IMPG1: variants seen among roughly 807,000 people sequenced by gnomAD.
IMPG1 encodes the protein interphotoreceptor matrix proteoglycan 1, also known as interphotoreceptor matrix proteoglycan of 150 kDa.
IMPG1 carries 85 observed loss-of-function variants against 92.0 expected under a neutral mutation model. The ratio of observed to expected loss-of-function variants is 0.92; its 90% confidence interval spans 0.78 to 1.11. IMPG1 has a LOEUF of 1.11. IMPG1 is among the 50% of genes least tolerant of loss of function. IMPG1 has a pLI of 0.00. For missense variants in IMPG1, 1,022 were observed against 956.0 expected, an observed-to-expected ratio of 1.07 and a Z score of -0.91; for synonymous variants, 367 against 334.1, an observed-to-expected ratio of 1.10 and a Z score of -1.08.
intron 12 of IMPG1, among the ~76,000 whole-genome samples, chr6:75,977,909 A>G (rs1782566015): frequency 6.6e-6 from 1 of 151,986 alleles, no homozygotes; most frequent in Non-Finnish European, 1.5e-5. Flanking sequence ...AAGTGCTTCC[A>G]TATATTTTAT....
chr6:76,052,466 C>A (rs907454655), intron 1 of IMPG1, among the ~76,000 whole-genome samples: 3 of 152,160 alleles, frequency 2.0e-5, no homozygotes, highest in Non-Finnish European at 4.4e-5. Context: ...CGTACATTAA[C>A]ATTTAGCTGC....
At chr6:75,988,550 A>G (rs989619456) in intron 12 of IMPG1, among the ~76,000 whole-genome samples, 1 of 152,180 alleles carries the variant, frequency 6.6e-6, no homozygotes, top group African/African-American at 2.4e-5. Context: ...TCTTATTTCT[A>G]TGGGATACCA....
At chr6:76,024,474 A>G (rs910021968) in intron 5 of IMPG1, among the ~76,000 whole-genome samples, 1 of 152,150 alleles carries the variant, frequency 6.6e-6, no homozygotes, top group Non-Finnish European at 1.5e-5. Context: ...CACAGGAGAA[A>G]TGATTTTCCT....
intron 14 of IMPG1, among the ~76,000 whole-genome samples, chr6:75,939,357 C>G (rs542200877): frequency 1.3e-5 from 2 of 152,116 alleles, no homozygotes; most frequent in East Asian, 1.9e-4. Flanking sequence ...TGCTCCCCCC[C>G]ACCCCACAAC....
intron 14 of IMPG1, among the ~76,000 whole-genome samples, chr6:75,935,879 T>A (rs1781736367): frequency 1.3e-5 from 2 of 152,230 alleles, no homozygotes; most frequent in Non-Finnish European, 2.9e-5. Flanking sequence ...AATGAGGCCC[T>A]GGTAGTCTGA....
chr6:75,923,767 CT>C (rs952644160), intron 15 of IMPG1, 61 bp from the exon 16 acceptor site: 1 of 867,114 alleles, frequency 1.2e-6, no homozygotes, highest in Middle Eastern at 2.2e-4. Context: ...TTAATAGTAA[CT>C]ACATCTTTCT....
intron 12 of IMPG1, among the ~76,000 whole-genome samples, chr6:75,956,260 G>A (rs1295280197): frequency 6.6e-6 from 1 of 152,136 alleles, no homozygotes; most frequent in Non-Finnish European, 1.5e-5. Context: ...ATTAATTACT[G>A]CCTCAATTTC....
intron 1 of IMPG1, among the ~76,000 whole-genome samples, chr6:76,050,834 C>T (rs1784028676): frequency 6.6e-6 from 1 of 152,180 alleles, no homozygotes; most frequent in Non-Finnish European, 1.5e-5. Flanking sequence ...CAGAGGCTTA[C>T]TGTACACATA....
At chr6:75,991,870 G>A (rs1031527607) in intron 12 of IMPG1, among the ~76,000 whole-genome samples, 4 of 152,134 alleles carry the variant, frequency 2.6e-5, no homozygotes, top group African/African-American at 9.7e-5. Flanking sequence ...CTGACATAAC[G>A]TATAAGGCAC....
Position 76,067,702 on chromosome 6 carries a change from C to T in IMPG1, c.67+4720G>A, listed in dbSNP as rs554875176. Among the ~76,000 whole-genome samples the T allele has an allele frequency of 1.6e-4, 24 of 152,166 alleles. No homozygotes were observed. In the South Asian group the frequency reaches 5.0e-3, roughly 32 times the overall value. On this transcript the variant is annotated intron_variant, in intron 1 of 16. Coordinates refer to ENST00000369950, the MANE Select transcript of IMPG1 (RefSeq NM_001563.4). The stretch of plus-strand genomic sequence containing the variant: ...AGCTCATTCTATGAAGCCAGTGTCA[C>T]CCTGATACCAAAGCCAGGCAAGGAC...
chr6:75,936,791 G>A (rs1468831935), intron 14 of IMPG1, among the ~76,000 whole-genome samples: 1 of 152,222 alleles, frequency 6.6e-6, no homozygotes, highest in Non-Finnish European at 1.5e-5. Flanking sequence ...CAGGATCAGC[G>A]GGTGGAGGGA....
At chr6:75,923,886 T>C (rs1237544554) in intron 15 of IMPG1, among the ~76,000 whole-genome samples, 180 bp from the exon 16 acceptor site, 1 of 152,178 alleles carries the variant, frequency 6.6e-6, no homozygotes, top group Non-Finnish European at 1.5e-5. Context: ...CCCTGACTTT[T>C]GCCTTTTAGT....
At chr6:76,003,750 A>G (rs553003476) in intron 11 of IMPG1, 124 bp downstream of exon 11, 2 of 686,000 alleles carry the variant, frequency 2.9e-6, no homozygotes, top group African/African-American at 1.9e-5. Flanking sequence ...TAAAAAACAG[A>G]AAAGAATTTA....
At chr6:75,946,807 C>G (rs1781935524) in intron 14 of IMPG1, among the ~76,000 whole-genome samples, 1 of 152,012 alleles carries the variant, frequency 6.6e-6, no homozygotes, top group South Asian at 2.1e-4. Flanking sequence ...TGACTTTCTC[C>G]AAGTTTGAAT....
At position 76,005,446 on chromosome 6, in the gene IMPG1, C is replaced by A. The variant is rs750523760; in HGVS notation, c.976G>T (p.Asp326Tyr). The A allele has an allele frequency of 3.7e-6, 6 of 1,613,908 alleles. No individual in the cohort carries two copies. In the East Asian group the frequency reaches 1.3e-4, roughly 36 times the overall value. ...KSPASDLLSF[D>Y]SNKIESEEVY... is the part of the protein sequence containing the mutation. ...TCCTCACTTTCAATTTTGTTGGAAT[C>A]AAAAGACAGGAGGTCACTTGCAGGG... The change falls in exon 10 of 17, where the codon GAT becomes TAT. Residue 326 changes from aspartate (D) to tyrosine (Y), a missense_variant. By Grantham distance (160) the Asp-to-Tyr change is radical (BLOSUM62 -3). Around this residue, in one of 3 missense-constraint regions of IMPG1, gnomAD observed 681 missense variants for 583.6 expected, o/e 1.17. Coordinates refer to ENST00000369950, the MANE Select transcript of IMPG1 (RefSeq NM_001563.4).
chr6:75,982,467 G>A (rs1271721000), intron 12 of IMPG1, among the ~76,000 whole-genome samples: 1 of 151,782 alleles, frequency 6.6e-6, no homozygotes, highest in Non-Finnish European at 1.5e-5. Flanking sequence ...CTTGACCCGG[G>A]AGGCGGAGGT....
At chr6:76,072,180 G>A (rs940519800) in intron 1 of IMPG1, among the ~76,000 whole-genome samples, 1 of 151,986 alleles carries the variant, frequency 6.6e-6, no homozygotes, top group African/African-American at 2.4e-5. Context: ...ACAGCAAATA[G>A]GATGCATTCA....
intron 5 of IMPG1, among the ~76,000 whole-genome samples, chr6:76,024,186 TA>T (rs1343382814): frequency 6.6e-6 from 1 of 152,130 alleles, no homozygotes; most frequent in Non-Finnish European, 1.5e-5. Flanking sequence ...AAAATTGAAA[TA>T]TAGGCACAGC....
chr6:75,964,632 G>C (rs1225752432), intron 12 of IMPG1, among the ~76,000 whole-genome samples: 2 of 141,604 alleles, frequency 1.4e-5, no homozygotes, highest in African/African-American at 5.4e-5. Context: ...AGCTGAGATG[G>C]CGCCACTGCA....
Sources: allele counts gnomAD v4.1 joint callset (sites outside exome capture counted in the v4.1 genomes callset), GRCh38; gene constraint gnomAD v4.1.1; regional missense constraint gnomAD v4.1.1; transcripts MANE v1.5; gene names NCBI Gene and HGNC (gene_info 2026-07-23, HGNC 2026-07-21).